The following CENPP variants were observed in gnomAD, a reference collection of about 807,000 sequenced individuals.
CENPP encodes centromere protein P.
A neutral mutation model predicts 35.6 loss-of-function variants in CENPP; 24 were observed. The ratio of observed to expected loss-of-function variants is 0.67; its 90% confidence interval spans 0.49 to 0.95. The LOEUF (loss-of-function observed/expected upper bound fraction) is 0.95, where lower values mean the gene tolerates loss of function less well. Ranked by LOEUF, CENPP falls within the 40% of genes least tolerant of loss-of-function variation. The pLI, the probability that CENPP is intolerant of heterozygous loss-of-function variation, is 0.00. For synonymous variants in CENPP, 120 were observed against 125.5 expected (o/e 0.96, Z 0.29); for missense variants, 332 against 345.3 (o/e 0.96, Z 0.31).
In CENPP at chr9:92,600,206, G is replaced by A. The variant is rs977991724; in HGVS notation, c.565-11108G>A. ...AGTTCTTTTCAACCATGTTTAGCTT[G>A]AGGTTCCATACAAGAACAGAAGGGC... On this transcript the variant is annotated intron_variant, in intron 5 of 7. Coordinates refer to ENST00000375587, the MANE Select transcript of CENPP (RefSeq NM_001012267.3). 5.5e-6 allele frequency: 6 copies of A among 1,097,530 alleles called. No individual in the cohort carries two copies. The African/African-American group carries it at 7.9e-5, about 14-fold the overall frequency. The allele number at this position is 1,097,530 out of a possible 1,614,324, so 68.0% of individuals were successfully genotyped here.
At chr9:92,580,411 G>A (rs943263911) in intron 5 of CENPP, among the ~76,000 whole-genome samples, 6 of 152,204 alleles carry the variant, frequency 3.9e-5, no homozygotes, top group Admixed American at 2.6e-4. Context: ...GGTAGAATTC[G>A]GCTGTGAATC....
intron 5 of CENPP, among the ~76,000 whole-genome samples, chr9:92,508,253 G>C (rs1046587517): frequency 6.6e-6 from 1 of 152,226 alleles, no homozygotes; most frequent in Non-Finnish European, 1.5e-5. Context: ...GAGTGCAGCC[G>C]GGGGTATCTG....
intron 5 of CENPP, among the ~76,000 whole-genome samples, chr9:92,533,312 AAAAAAAAAAAAAAAAAATATAT>A (rs1848933670): frequency 2.3e-5 from 2 of 88,680 alleles, no homozygotes; most frequent in African/African-American, 9.4e-5. Context: ...ACAAAAAAAA[AAAAAAAAAAAAAAAAAATATAT>A]ATATATATAT....
Position 92,517,847 on chromosome 9 carries a change from G to A in CENPP, c.565-93467G>A, listed in dbSNP as rs1313983689. The A allele has an allele frequency of 1.9e-6, 3 of 1,614,024 alleles. No individual in the cohort carries two copies. The African/African-American group carries it at 4.0e-5, about 22-fold the overall frequency. ...ACACAGCTTTGTTGTACATGGTTAT[G>A]CCCTTTACCAAACAGTGTCCCTTCT... On this transcript the variant is annotated intron_variant, in intron 5 of 7. Transcript: ENST00000375587.
chr9:92,483,039 A>C (rs1307135404), intron 5 of CENPP, among the ~76,000 whole-genome samples: 4 of 152,058 alleles, frequency 2.6e-5, no homozygotes, highest in Admixed American at 1.3e-4. Flanking sequence ...TCCAAGTAAC[A>C]CCCTCTTAGG....
intron 5 of CENPP, among the ~76,000 whole-genome samples, chr9:92,434,736 C>T (rs1040878473): frequency 2.0e-5 from 3 of 152,004 alleles, no homozygotes; most frequent in African/African-American, 7.2e-5. Context: ...ATGATTCAGA[C>T]CTTAATTTTT....
At chr9:92,596,548 G>A (rs547163168) in intron 5 of CENPP, among the ~76,000 whole-genome samples, 120 of 151,466 alleles carry the variant, frequency 7.9e-4, no homozygotes, top group Admixed American at 1.5e-3. Context: ...TGATTAAAAC[G>A]AGAGAAAGCC....
intron 5 of CENPP, among the ~76,000 whole-genome samples, chr9:92,588,225 TGTGAG>T (rs2131373198): frequency 6.6e-6 from 1 of 152,016 alleles, no homozygotes; most frequent in South Asian, 2.1e-4. Flanking sequence ...AAAGAACAGC[TGTGAG>T]TTTTTTGTTT....
chr9:92,566,020 C>T (rs1395381267), intron 5 of CENPP, among the ~76,000 whole-genome samples: 2 of 152,060 alleles, frequency 1.3e-5, no homozygotes, highest in Non-Finnish European at 2.9e-5. Context: ...TACAAAGAAG[C>T]GGCCAAGCGT....
intron 5 of CENPP, chr9:92,515,264 AC>A (rs1027594471): frequency 7.2e-7 from 1 of 1,393,954 alleles, no homozygotes; most frequent in African/African-American, 1.5e-5. Context: ...AAAAGAAAAA[AC>A]CATAATGAAA....
At chr9:92,502,533 A>G in intron 5 of CENPP, 4 of 1,613,056 alleles carry the variant, frequency 2.5e-6, no homozygotes, top group Admixed American at 1.7e-5. Flanking sequence ...TCCAGGCTAA[A>G]GGAGCAATCC....
rs1851550397 is a variant in CENPP, at chr9:92,619,381, T to C, written c.*6232T>C. On this transcript the variant is annotated 3_prime_UTR_variant, in exon 8 of 8. Transcript: ENST00000375587. ...CCAAGGAAGTTATGTCACTCCGCCA[T>C]GGAGTCTCTAAATATGGGGAAACCA... is the stretch of plus-strand genomic sequence containing the variant. 3 of 883,274 alleles carry C rather than the reference T, an allele frequency of 3.4e-6. No homozygotes were observed. The highest frequency in any genetic ancestry group is 5.5e-6 in the Non-Finnish European group (3 of 548,104). 54.7% of individuals were successfully genotyped at this position (883,274 alleles called of 1,614,324 possible).
At chr9:92,559,498 T>G (rs1006236816) in intron 5 of CENPP, among the ~76,000 whole-genome samples, 2 of 152,102 alleles carry the variant, frequency 1.3e-5, no homozygotes, top group African/African-American at 2.4e-5. Flanking sequence ...GCAGGAGCAG[T>G]CCATTTCCCT....
At chr9:92,355,949 T>C (rs1396743379) in intron 4 of CENPP, among the ~76,000 whole-genome samples, 1 of 152,202 alleles carries the variant, frequency 6.6e-6, no homozygotes, top group African/African-American at 2.4e-5. Context: ...TAATAGTGAA[T>C]ATGCATATGC....
In CENPP at chr9:92,611,333, T is replaced by G; in HGVS notation, c.584T>G (p.Val195Gly). ...ATGCAGGAAAAGTACCCAGATGCCG[T>G]GTACCTCTCGGAGGGGCCCTCCTCC... ...KHLKEKYPDA[V>G]YLSEGPSSCS... The change falls in exon 6 of 8, where the codon GTG becomes GGG. Residue 195 changes from valine (V) to glycine (G), a missense_variant. By Grantham distance (109) the Val-to-Gly change is moderately radical. Transcript: ENST00000375587. The G allele has an allele frequency of 6.2e-7, 1 of 1,613,710 alleles. No homozygotes were observed. Among genetic ancestry groups the G allele is most frequent in the Non-Finnish European group, 8.5e-7 (1 of 1,179,938 alleles).
intron 5 of CENPP, among the ~76,000 whole-genome samples, chr9:92,424,712 C>T (rs1005984854): frequency 2.0e-5 from 3 of 152,164 alleles, no homozygotes; most frequent in Non-Finnish European, 4.4e-5. Flanking sequence ...TCTTGCTTTG[C>T]TGCCCAGGCC....
At chr9:92,509,871 A>T (rs989606382) in intron 5 of CENPP, 4 of 1,588,366 alleles carry the variant, frequency 2.5e-6, no homozygotes, top group Non-Finnish European at 3.4e-6. Context: ...ATAAGGAAGC[A>T]TATCATTGAA....
At chr9:92,580,622 T>C (rs1272960868) in intron 5 of CENPP, among the ~76,000 whole-genome samples, 3 of 152,382 alleles carry the variant, frequency 2.0e-5, no homozygotes, top group Admixed American at 6.5e-5. Context: ...GATGGTAGTT[T>C]GTATTTCTGT....
intron 3 of CENPP, among the ~76,000 whole-genome samples, chr9:92,343,262 T>C (rs1001193161): frequency 5.3e-5 from 8 of 152,224 alleles, no homozygotes; most frequent in Admixed American, 2.0e-4. Flanking sequence ...AGAGTTTGAA[T>C]GATTACTCAT....
Sources: allele counts gnomAD v4.1 joint callset (sites outside exome capture counted in the v4.1 genomes callset), GRCh38; gene constraint gnomAD v4.1.1; transcripts MANE v1.5; gene names NCBI Gene and HGNC (gene_info 2026-07-23, HGNC 2026-07-21).